The following SLC23A2 variants were observed in gnomAD, a reference collection of about 807,000 sequenced individuals.
SLC23A2 encodes Na(+)/L-ascorbic acid transporter 2.
A neutral mutation model predicts 73.3 loss-of-function variants in SLC23A2; 36 were observed. The observed-to-expected ratio is 0.49, with a 90% CI of 0.38 to 0.65. The LOEUF (loss-of-function observed/expected upper bound fraction) is 0.65. Ranked by LOEUF, SLC23A2 falls within the 30% of genes least tolerant of loss-of-function variation. The pLI is 0.00. For synonymous variants in SLC23A2, 343 were observed against 327.3 expected (o/e 1.05, Z -0.52); for missense variants, 507 against 841.6 (o/e 0.60, Z 4.92).
At chr20:4,956,803 T>C (rs1454043707) in intron 2 of SLC23A2, among the ~76,000 whole-genome samples, 1 of 142,124 alleles carries the variant, frequency 7.0e-6, no homozygotes, top group Non-Finnish European at 1.5e-5. Flanking sequence ...CCCTCTTCTT[T>C]TTTTTTTTTT....
intron 2 of SLC23A2, among the ~76,000 whole-genome samples, chr20:4,962,954 A>G (rs2087415821): frequency 6.6e-6 from 1 of 152,090 alleles, no homozygotes; most frequent in African/African-American, 2.4e-5. Context: ...AGCCAAGATA[A>G]CGCCACTGCA....
rs989451443 is a variant in SLC23A2, at chr20:4,973,802, A to G, written c.-281-2883T>C. On this transcript the variant is annotated intron_variant, in intron 1 of 16. Coordinates refer to ENST00000338244, the MANE Select transcript of SLC23A2 (RefSeq NM_005116.6). ...TCACTTGGGACACACTCATGGCCAC[A>G]TGACTTTCCCCCATCAAGGCCCGCT... 1.3e-4 allele frequency among the ~76,000 whole-genome samples: 20 copies of G among 152,182 alleles called. 1 individual carries two copies. Among genetic ancestry groups the G allele is most frequent in the African/African-American group, 4.8e-4 (20 of 41,450 alleles).
rs1242707357 is a variant in SLC23A2 at position 4,868,675 on chromosome 20, C to G, written c.1251-800G>C. ...AGGTATTTAATCATGTGCAGCAGCT[C>G]CATTAGAGAAAGATGGGGACATCAG... On this transcript the variant is annotated intron_variant, in intron 12 of 16. Transcript: ENST00000338244. This position sits in a 1 kb window ranked among gnomAD's most constrained non-coding sequence, Gnocchi z 4.4. Among the ~76,000 whole-genome samples, 1 of 152,114 alleles carries G rather than the reference C, an allele frequency of 6.6e-6. No homozygotes were observed. Among genetic ancestry groups the G allele is most frequent in the African/African-American group, 2.4e-5 (1 of 41,408 alleles).
intron 10 of SLC23A2, 82 bp downstream of exon 10, chr20:4,874,494 C>T: frequency 7.3e-7 from 1 of 1,373,658 alleles, no homozygotes; most frequent in African/African-American, 1.4e-5. Flanking sequence ...GGAGGGCCTG[C>T]TTAAAACCCT....
chr20:4,974,482 AT>A (rs1184310513), intron 1 of SLC23A2, among the ~76,000 whole-genome samples: 2 of 150,638 alleles, frequency 1.3e-5, no homozygotes, highest in East Asian at 1.9e-4. Flanking sequence ...AATAAAAAAA[AT>A]AATAATAATA....
chr20:4,919,722 C>T (rs76243423), intron 3 of SLC23A2, among the ~76,000 whole-genome samples: 2,231 of 152,266 alleles, frequency 0.015, 56 homozygotes, highest in African/African-American at 0.05. Context: ...GATTCAAGAA[C>T]AGATCCTGAG....
rs1451541915 is a variant in SLC23A2 at position 4,883,364 on chromosome 20, A to G, written c.824+278T>C. On this transcript the variant is annotated intron_variant, in intron 9 of 16. Transcript: ENST00000338244. The surrounding 1 kb of genome is among the most constrained non-coding windows in gnomAD (Gnocchi z 4.5). ...CTTGGCAAGACCTCAAAAGTCAAAA[A>G]CAAATGGCGCCACTACCTTACCCCA... 6.6e-6 allele frequency among the ~76,000 whole-genome samples: 1 copy of G among 152,222 alleles called. No homozygotes were observed. The highest frequency in any genetic ancestry group is 1.5e-5 in the Non-Finnish European group (1 of 68,040).
chr20:4,978,077 G>A (rs532322974), intron 1 of SLC23A2, among the ~76,000 whole-genome samples: 32 of 152,114 alleles, frequency 2.1e-4, no homozygotes, highest in African/African-American at 7.2e-4. Context: ...ATTTACTCCC[G>A]TATTATAAAC....
chr20:4,961,774 T>C (rs577228794), intron 2 of SLC23A2, among the ~76,000 whole-genome samples: 51 of 152,302 alleles, frequency 3.3e-4, no homozygotes, highest in African/African-American at 1.1e-3. Context: ...TTCTAAAATA[T>C]TGTCTTTTAT....
chr20:4,915,837 A>ACTTGAGAGGATGAGGCAGGAGAATCG (rs1932302419), intron 3 of SLC23A2, among the ~76,000 whole-genome samples: 1 of 152,200 alleles, frequency 6.6e-6, no homozygotes, highest in Non-Finnish European at 1.5e-5. Flanking sequence ...AATCCCAGCT[A>ACTTGAGAGGATGAGGCAGGAGAATCG]CTTGAGAGGA....
At chr20:4,871,067 A>G (rs1250255584) in intron 11 of SLC23A2, among the ~76,000 whole-genome samples, 1 of 152,222 alleles carries the variant, frequency 6.6e-6, no homozygotes, top group East Asian at 1.9e-4. Flanking sequence ...CAAAAATAGC[A>G]TGGGTCTCTT....
chr20:4,970,493 G>A (rs41282106), intron 2 of SLC23A2, among the ~76,000 whole-genome samples: 2,453 of 152,256 alleles, frequency 0.016, 25 homozygotes, highest in Non-Finnish European at 0.026. Context: ...AGCACTTTGG[G>A]AGGTAGAGGC....
In SLC23A2 at chr20:4,861,866, T is replaced by C. The variant is rs1439789508; in HGVS notation, c.1624+82A>G. On this transcript the variant is annotated intron_variant, in intron 15 of 16. Coordinates refer to ENST00000338244, the MANE Select transcript of SLC23A2 (RefSeq NM_005116.6). ...CACAGCTCCTGGAGGCCCAAAGTCC[T>C]CTCCAATGGGCAAAGAGCTGCGTGT... is the stretch of plus-strand genomic sequence containing the variant. 39 of 1,458,848 alleles carry C rather than the reference T, an allele frequency of 2.7e-5. No individual in the cohort carries two copies. In the Admixed American group the frequency reaches 4.5e-4, roughly 17 times the overall value. The allele number at this position is 1,458,848 out of a possible 1,614,324, so 90.4% of individuals were successfully genotyped here. A position where few individuals can be genotyped will look rare whatever the true frequency, so the allele number is the denominator to read the frequency against.
chr20:4,892,396 A>G (rs775273261), intron 6 of SLC23A2, among the ~76,000 whole-genome samples: 52 of 151,990 alleles, frequency 3.4e-4, no homozygotes, highest in Non-Finnish European at 5.3e-4. Context: ...CATGTTGGCC[A>G]AGCTGATCTC....
At position 4,875,027 on chromosome 20, in the gene SLC23A2, T is replaced by G. The variant is rs565693782; in HGVS notation, c.825-331A>C. 2.0e-5 allele frequency among the ~76,000 whole-genome samples: 3 copies of G among 152,344 alleles called. No individual in the cohort carries two copies. In the South Asian group the frequency reaches 6.2e-4, roughly 32 times the overall value. ...ACATTGATGGGAAACGCTTACTCTA[T>G]GTAAAGGGAAAGGATGCCAGATACA... On this transcript the variant is annotated intron_variant, in intron 9 of 16. Coordinates refer to ENST00000338244, the MANE Select transcript of SLC23A2 (RefSeq NM_005116.6).
chr20:4,990,503 C>T (rs2087907721), intron 1 of SLC23A2, among the ~76,000 whole-genome samples: 1 of 151,630 alleles, frequency 6.6e-6, no homozygotes. Context: ...TCCTGAGTGG[C>T]AGGGACTACA....
At chr20:4,867,694 T>C in intron 13 of SLC23A2, 76 bp downstream of exon 13, 1 of 680,384 alleles carries the variant, frequency 1.5e-6, no homozygotes, top group African/African-American at 1.9e-5. Flanking sequence ...CATTTGGAAC[T>C]TGCAGTGGCC....
In SLC23A2 at chr20:4,856,968, A is replaced by G. The variant is rs936803226; in HGVS notation, c.*4T>C. On this transcript the variant is annotated 3_prime_UTR_variant, in exon 17 of 17. Coordinates refer to ENST00000338244, the MANE Select transcript of SLC23A2 (RefSeq NM_005116.6). This position sits in a 1 kb window ranked among gnomAD's most constrained non-coding sequence, Gnocchi z 4.6. Reference sequence around the variant, plus strand: ...TGCGGCCAGGCCACAGGGCACAGCAAAGGCTATCCCGTGGCCTGGGAGTCT... The same window carrying G: ...TGCGGCCAGGCCACAGGGCACAGCAGAGGCTATCCCGTGGCCTGGGAGTCT... 57 of 1,604,546 alleles carry G rather than the reference A, an allele frequency of 3.6e-5. No homozygotes were observed. Among genetic ancestry groups the G allele is most frequent in the Non-Finnish European group, 4.6e-5 (54 of 1,171,924 alleles).
In SLC23A2 at chr20:4,863,253, T is replaced by C. The variant is rs1218413608; in HGVS notation, c.1357-346A>G. Among the ~76,000 whole-genome samples the C allele has an allele frequency of 6.6e-6, 1 of 152,102 alleles. No individual in the cohort carries two copies. Among genetic ancestry groups the C allele is most frequent in the Non-Finnish European group, 1.5e-5 (1 of 68,024 alleles). Reference sequence around the variant, plus strand: ...ACCAAGGCAATTTCCCCCAAAGTGCTTCAGCCTCAATGCCAACTTCCCCAC... The same window carrying C: ...ACCAAGGCAATTTCCCCCAAAGTGCCTCAGCCTCAATGCCAACTTCCCCAC... On this transcript the variant is annotated intron_variant, in intron 13 of 16. Transcript: ENST00000338244. This position sits in a 1 kb window ranked among gnomAD's most constrained non-coding sequence, Gnocchi z 4.8.
Sources: allele counts gnomAD v4.1 joint callset (sites outside exome capture counted in the v4.1 genomes callset), GRCh38; gene constraint gnomAD v4.1.1; non-coding constraint Gnocchi (gnomAD v3.1); transcripts MANE v1.5; gene names NCBI Gene and HGNC (gene_info 2026-07-23, HGNC 2026-07-21).